The following PCDHGB1 variants were observed in gnomAD, a reference collection of about 807,000 sequenced individuals.
The protein encoded by PCDHGB1 is protocadherin gamma-B1.
A neutral mutation model predicts 56.6 loss-of-function variants in PCDHGB1; 34 were observed. The observed-to-expected ratio is 0.60, with a 90% CI of 0.46 to 0.80. The LOEUF (loss-of-function observed/expected upper bound fraction) is 0.80, where lower values mean the gene tolerates loss of function less well. Among genes scored for constraint, PCDHGB1 ranks in the 30% least tolerant of loss-of-function variants. The pLI is 0.00. For synonymous variants in PCDHGB1, 561 were observed against 505.9 expected (o/e 1.11, Z -1.46); for missense variants, 1,278 against 1,204.6 (o/e 1.06, Z -0.90).
Position 141,399,283 on chromosome 5 carries a change from G to T in PCDHGB1, c.2409+46614G>T, listed in dbSNP as rs533695738. ...GGTTAATTGTCAATTACAAGGCGAA[G>T]TCCCTTTTAAGATTATCTCTTCATC... On this transcript the variant is annotated intron_variant, in intron 1 of 3. Coordinates refer to ENST00000523390, the MANE Select transcript of PCDHGB1 (RefSeq NM_018922.3). The T allele has an allele frequency of 5.0e-6, 8 of 1,613,888 alleles. No individual in the cohort carries two copies. The South Asian group carries it at 7.7e-5, about 16-fold the overall frequency.
At chr5:141,495,073 C>T (rs1464039604) in intron 2 of PCDHGB1, among the ~76,000 whole-genome samples, 1 of 152,186 alleles carries the variant, frequency 6.6e-6, no homozygotes, top group Non-Finnish European at 1.5e-5. Flanking sequence ...GCTCAATTCA[C>T]ATGCTTGCCC....
chr5:141,362,539 T>A (rs773303808), intron 1 of PCDHGB1: 1 of 1,613,828 alleles, frequency 6.2e-7, no homozygotes, highest in South Asian at 1.1e-5. Flanking sequence ...CCCTTTTGCC[T>A]CAGATACTAT....
At chr5:141,398,727 A>G in intron 1 of PCDHGB1, 1 of 1,613,894 alleles carries the variant, frequency 6.2e-7, no homozygotes, top group Middle Eastern at 1.6e-4. Flanking sequence ...AGAAAACCTT[A>G]GACCGGGAAC....
intron 1 of PCDHGB1, chr5:141,371,712 C>CTGCA: frequency 1.2e-6 from 2 of 1,614,078 alleles, no homozygotes; most frequent in Non-Finnish European, 1.7e-6. Context: ...GACCATCACT[C>CTGCA]TGCACATCCT....
In PCDHGB1 at chr5:141,375,320, G is replaced by A. The variant is rs1338614455; in HGVS notation, c.2409+22651G>A. On this transcript the variant is annotated intron_variant, in intron 1 of 3. Coordinates refer to ENST00000523390, the MANE Select transcript of PCDHGB1 (RefSeq NM_018922.3). ...AGTGACAAATGCAGCTCTAGACCGG[G>A]AAGAGGTATTCTTGTACAACATCAC... is the stretch of plus-strand genomic sequence containing the variant. The A allele has an allele frequency of 6.2e-7, 1 of 1,613,688 alleles. No homozygotes were observed. The highest frequency in any genetic ancestry group is 2.2e-5 in the East Asian group (1 of 44,890).
chr5:141,465,611 C>T (rs1393170181), intron 1 of PCDHGB1, among the ~76,000 whole-genome samples: 1 of 152,178 alleles, frequency 6.6e-6, no homozygotes, highest in African/African-American at 2.4e-5. Context: ...CTCTTTGGCC[C>T]TCCAGGAAGT....
rs749769645 is a variant in PCDHGB1, at chr5:141,376,049, G to A, written c.2409+23380G>A. On this transcript the variant is annotated intron_variant, in intron 1 of 3. Transcript: ENST00000523390. ...GGACCACGGCCAGCCCCCTCTCTCCGCCACTGTCACGCTCACCGTGGCCGT... is the reference window on the plus strand; with the variant it reads ...GGACCACGGCCAGCCCCCTCTCTCCACCACTGTCACGCTCACCGTGGCCGT... The A allele has an allele frequency of 1.9e-5, 31 of 1,613,116 alleles. No homozygotes were observed. The highest frequency in any genetic ancestry group is 2.2e-5 in the East Asian group (1 of 44,870).
chr5:141,476,061 C>T lies in PCDHGB1; in HGVS notation c.2410-18746C>T. On this transcript the variant is annotated intron_variant, in intron 1 of 3. Coordinates refer to ENST00000523390, the MANE Select transcript of PCDHGB1 (RefSeq NM_018922.3). The surrounding 1 kb of genome is among the most constrained non-coding windows in gnomAD (Gnocchi z 7.6). Reference sequence around the variant, plus strand: ...AAGCGCTAACCCGCTGAAAGTTTCTCAGCGAAATCTCAGGGACGATCTGGA... The same window carrying T: ...AAGCGCTAACCCGCTGAAAGTTTCTTAGCGAAATCTCAGGGACGATCTGGA... The T allele has an allele frequency of 6.6e-7, 1 of 1,508,880 alleles. No homozygotes were observed. Among genetic ancestry groups the T allele is most frequent in the Non-Finnish European group, 8.8e-7 (1 of 1,136,354 alleles). 93.5% of individuals were successfully genotyped at this position (1,508,880 alleles called of 1,614,324 possible).
chr5:141,434,429 C>T (rs1379210960), intron 1 of PCDHGB1, among the ~76,000 whole-genome samples: 2 of 152,152 alleles, frequency 1.3e-5, no homozygotes, highest in Admixed American at 6.5e-5. Flanking sequence ...TCATGATGGC[C>T]GTAATGCCCA....
intron 1 of PCDHGB1, chr5:141,417,252 G>C (rs2096099745): frequency 6.6e-6 from 1 of 152,148 alleles, no homozygotes; most frequent in Admixed American, 6.5e-5. Context: ...AGTACTTCCA[G>C]CTTCATAGAT....
At chr5:141,418,717 C>G in intron 1 of PCDHGB1, 2 of 1,613,938 alleles carry the variant, frequency 1.2e-6, no homozygotes, top group Non-Finnish European at 1.7e-6. Context: ...GTGTGGCTGA[C>G]AAAGCTCAGC....
chr5:141,508,091 GCCC>G (rs2099866180), intron 3 of PCDHGB1: 1 of 152,482 alleles, frequency 6.6e-6, no homozygotes, highest in Non-Finnish European at 1.5e-5. Flanking sequence ...TGCTGCCTTG[GCCC>G]TGGGATGGGG....
Position 141,477,540 on chromosome 5 carries a change from C to T in PCDHGB1, c.2410-17267C>T, listed in dbSNP as rs777796922. On this transcript the variant is annotated intron_variant, in intron 1 of 3. Coordinates refer to ENST00000523390, the MANE Select transcript of PCDHGB1 (RefSeq NM_018922.3). The surrounding 1 kb of genome is among the most constrained non-coding windows in gnomAD (Gnocchi z 4.9). Reference sequence around the variant, plus strand: ...GAAGAAAACAACCTCCCCGGGGCTCCAATACTAAACCTAAGTGTCTGGGAC... The same window carrying T: ...GAAGAAAACAACCTCCCCGGGGCTCTAATACTAAACCTAAGTGTCTGGGAC... The T allele has an allele frequency of 6.8e-6, 11 of 1,614,036 alleles. 1 individual carries two copies. Among genetic ancestry groups the T allele is most frequent in the African/African-American group, 2.7e-5 (2 of 74,920 alleles).
At chr5:141,456,336 G>A (rs2098850873) in intron 1 of PCDHGB1, among the ~76,000 whole-genome samples, 1 of 152,242 alleles carries the variant, frequency 6.6e-6, no homozygotes, top group Non-Finnish European at 1.5e-5. Context: ...TGATCTAAGG[G>A]TCCTCGGAAG....
At chr5:141,424,928 T>C (rs2096848391) in intron 1 of PCDHGB1, among the ~76,000 whole-genome samples, 1 of 152,204 alleles carries the variant, frequency 6.6e-6, no homozygotes, top group South Asian at 2.1e-4. Flanking sequence ...ATCAATTCAG[T>C]CAACACTCTC....
intron 1 of PCDHGB1, chr5:141,398,793 A>C (rs376843278): frequency 6.2e-7 from 1 of 1,613,948 alleles, no homozygotes; most frequent in African/African-American, 1.3e-5. Context: ...ATCCACCCCT[A>C]AGCGGCACCA....
At chr5:141,409,184 T>C in intron 1 of PCDHGB1, 1 of 1,614,044 alleles carries the variant, frequency 6.2e-7, no homozygotes, top group Non-Finnish European at 8.5e-7. Context: ...AGGTGGTCTC[T>C]CTACCCAGTG....
Position 141,476,745 on chromosome 5 carries a change from T to C in PCDHGB1, c.2410-18062T>C, listed in dbSNP as rs1372622323. 6.2e-7 allele frequency: 1 copy of C among 1,613,958 alleles called. No individual in the cohort carries two copies. On this transcript the variant is annotated intron_variant, in intron 1 of 3. Coordinates refer to ENST00000523390, the MANE Select transcript of PCDHGB1 (RefSeq NM_018922.3). This position sits in a 1 kb window ranked among gnomAD's most constrained non-coding sequence, Gnocchi z 7.6. The stretch of plus-strand genomic sequence containing the variant: ...CTGGACCGAGAACGGGAGCCTAGTC[T>C]CCAGTTAGTGCTGACGGCGTTGGAC...
At position 141,493,666 on chromosome 5, in the gene PCDHGB1, C is replaced by T. The variant is rs1475584876; in HGVS notation, c.2410-1141C>T. On this transcript the variant is annotated intron_variant, in intron 1 of 3. Transcript: ENST00000523390. The surrounding 1 kb of genome is among the most constrained non-coding windows in gnomAD (Gnocchi z 4.3). ...GCCATCCCTGTGCCCTTCTCCATGG[C>T]AGCCCCAGAATGGTGCTGGTGACTC... 6.6e-6 allele frequency among the ~76,000 whole-genome samples: 1 copy of T among 152,176 alleles called. No individual in the cohort carries two copies. The highest frequency in any genetic ancestry group is 1.5e-5 in the Non-Finnish European group (1 of 68,028).
Sources: gnomAD v4.1 joint callset for allele counts (sites outside exome capture counted in the v4.1 genomes callset) on GRCh38, gnomAD v4.1.1 for gene constraint, Gnocchi (gnomAD v3.1) non-coding constraint, MANE v1.5 for transcripts, NCBI Gene and HGNC (gene_info 2026-07-23, HGNC 2026-07-21) for gene names.